The following MYCBP2 variants were observed in gnomAD, a reference collection of about 807,000 sequenced individuals.
MYCBP2 encodes the protein E3 ubiquitin-protein ligase MYCBP2.
A neutral mutation model predicts 525.3 loss-of-function variants in MYCBP2; 120 were observed. The observed-to-expected ratio is 0.23, with a 90% confidence interval of 0.20 to 0.27. The LOEUF is 0.27. Among genes scored for constraint, MYCBP2 ranks in the 10% least tolerant of loss-of-function variants. The pLI is 1.00. For missense variants in MYCBP2, 4,149 were observed against 5,657.1 expected (o/e 0.73, Z 8.55); for synonymous variants, 1,894 against 1,955.8 (o/e 0.97, Z 0.83).
chr13:77,240,776 C>T (rs1264421575), intron 17 of MYCBP2, among the ~76,000 whole-genome samples: 2 of 152,154 alleles, frequency 1.3e-5, no homozygotes, highest in South Asian at 2.1e-4. Context: ...AATGTGCACA[C>T]ATTTCTGTTA....
chr13:77,196,396 T>TA (rs1317716210), intron 26 of MYCBP2, among the ~76,000 whole-genome samples: 4 of 152,128 alleles, frequency 2.6e-5, no homozygotes, highest in African/African-American at 9.7e-5. Flanking sequence ...TTGTACATTT[T>TA]AAGAGAATCA....
intron 71 of MYCBP2, among the ~76,000 whole-genome samples, chr13:77,067,336 C>G (rs999990695): frequency 3.3e-5 from 5 of 152,112 alleles, no homozygotes; most frequent in Middle Eastern, 3.2e-3. Flanking sequence ...AGGTAGGTAT[C>G]TAGAATTTTT....
chr13:77,217,951 A>T lies in MYCBP2; in HGVS notation c.2946T>A (p.Cys982Ter). The stretch of plus-strand genomic sequence containing the variant: ...CTGGCAATGCTTGAACAAGAGTGGG[A>T]CATCCCCTAGGTTAAAAAAAAAAAA... ...LGHGDVNSRGCPTLVQALPGP... is the reference protein window; with the variant it reads ...LGHGDVNSRG The change falls in exon 21 of 83, where the codon TGT becomes TGA. Residue 982 changes from cysteine to a stop codon, truncating the protein, a stop_gained. Transcript: ENST00000544440. LOFTEE classifies it high-confidence loss of function. 1 of 1,589,698 alleles carries T rather than the reference A, an allele frequency of 6.3e-7. No homozygotes were observed. The highest frequency in any genetic ancestry group is 1.8e-5 in the Admixed American group (1 of 55,710).
chr13:77,118,361 A>T, intron 55 of MYCBP2: 1 of 762,162 alleles, frequency 1.3e-6, no homozygotes, highest in Non-Finnish European at 2.4e-6. Context: ...GGCTGCTGGA[A>T]GGAAAGGGGC....
chr13:77,309,321 T>C lies in MYCBP2; in HGVS notation c.303-12647A>G, dbSNP rs189772603. Among the ~76,000 whole-genome samples the C allele has an allele frequency of 1.2e-4, 18 of 152,276 alleles. No individual in the cohort carries two copies. The East Asian group carries it at 3.5e-3, about 29-fold the overall frequency. ...TAAGGGAAAAGAGGCAGTTTGTGAG[T>C]GACAGTATGTTCACGAGGAGACTTT... is the stretch of plus-strand genomic sequence containing the variant. On this transcript the variant is annotated intron_variant, in intron 1 of 82. Transcript: ENST00000544440.
At chr13:77,174,514 C>A (rs1001644055) in intron 36 of MYCBP2, 25 bp from the exon 37 acceptor site, 4 of 1,590,654 alleles carry the variant, frequency 2.5e-6, no homozygotes, top group Non-Finnish European at 3.4e-6. Context: ...TGTAAAACAT[C>A]TTTTATTCAC....
intron 39 of MYCBP2, 52 bp downstream of exon 39, chr13:77,169,562 T>TA (rs1443629556): frequency 6.7e-7 from 1 of 1,500,280 alleles, no homozygotes; most frequent in Admixed American, 1.7e-5. Flanking sequence ...AGTCTTTTTT[T>TA]AAAAAAGATA....
intron 14 of MYCBP2, among the ~76,000 whole-genome samples, chr13:77,253,891 G>C (rs1434526701): frequency 6.6e-6 from 1 of 151,818 alleles, no homozygotes; most frequent in Non-Finnish European, 1.5e-5. Flanking sequence ...ATCCACAATA[G>C]AGCAATTACA....
chr13:77,206,616 T>C (rs768035260), intron 24 of MYCBP2, 37 bp downstream of exon 24: 1 of 1,513,610 alleles, frequency 6.6e-7, no homozygotes, highest in East Asian at 2.3e-5. Context: ...CAGCACACAT[T>C]AATGTGAATT....
chr13:77,148,688 A>G (rs531086884), intron 47 of MYCBP2, among the ~76,000 whole-genome samples: 3 of 152,216 alleles, frequency 2.0e-5, no homozygotes, highest in South Asian at 4.1e-4. Context: ...ATTCACAAAT[A>G]ATCTTCAATT....
chr13:77,205,460 G>A lies in MYCBP2; in HGVS notation c.3715+13C>T, dbSNP rs375467184. On this transcript the variant is annotated intron_variant, in intron 25 of 82. Coordinates refer to ENST00000544440, the MANE Select transcript of MYCBP2 (RefSeq NM_015057.5). ...GTTGTAAGACAACATTTCCTAAACC[G>A]AAGTATACATACTTTCAAACCTGTT... 1.7e-5 allele frequency: 27 copies of A among 1,612,030 alleles called. No individual in the cohort carries two copies. The highest frequency in any genetic ancestry group is 2.1e-5 in the Non-Finnish European group (25 of 1,179,348).
At position 77,183,541 on chromosome 13, in the gene MYCBP2, C is replaced by CTTTTTTTTTTTTTTTTTTTTTTTTT. The variant is rs60927409; in HGVS notation, c.4719+1537_4719+1561dup. Among the ~76,000 whole-genome samples the CTTTTTTTTTTTTTTTTTTTTTTTTT allele has an allele frequency of 6.1e-5, 4 of 66,050 alleles. 2 individuals carry two copies. Among genetic ancestry groups the CTTTTTTTTTTTTTTTTTTTTTTTTT allele is most frequent in the African/African-American group, 2.8e-4 (4 of 14,090 alleles). The allele number at this position is 66,050 out of a possible 152,430, so 43.3% of individuals were successfully genotyped here. ...TTGTTTATAGTGATAGTCCCTATTT[C>CTTTTTTTTTTTTTTTTTTTTTTTTT]TTTTTTTTTTTTTTTTTTTTTTTTT... is the stretch of plus-strand genomic sequence containing the variant. On this transcript the variant is annotated intron_variant, in intron 32 of 82. Transcript: ENST00000544440.
chr13:77,234,712 A>C (rs898082583), intron 17 of MYCBP2, among the ~76,000 whole-genome samples: 11 of 152,058 alleles, frequency 7.2e-5, no homozygotes, highest in African/African-American at 2.7e-4. Context: ...TCAAATATGA[A>C]CAAATATGAA....
chr13:77,187,782 C>T (rs2060869191), intron 30 of MYCBP2, among the ~76,000 whole-genome samples: 1 of 151,842 alleles, frequency 6.6e-6, no homozygotes, highest in Admixed American at 6.6e-5. Flanking sequence ...TGCGGTGGCT[C>T]ACACCTGTAA....
chr13:77,200,861 C>G (rs2062439747), intron 26 of MYCBP2, among the ~76,000 whole-genome samples: 2 of 151,940 alleles, frequency 1.3e-5, no homozygotes, highest in Admixed American at 6.6e-5. Context: ...TTGTCACCAC[C>G]AGGCCTGACC....
intron 55 of MYCBP2, among the ~76,000 whole-genome samples, chr13:77,115,298 C>A (rs1423070554): frequency 6.6e-6 from 1 of 151,800 alleles, no homozygotes; most frequent in Non-Finnish European, 1.5e-5. Context: ...ATATCATTCT[C>A]CACTTTGGTT....
rs547835625 is a variant in MYCBP2, at chr13:77,057,139, A to G, written c.13330-46T>C. On this transcript the variant is annotated intron_variant, in intron 78 of 82. Transcript: ENST00000544440. Reference sequence around the variant, plus strand: ...GGACATAAGCAAATATAATAATGATAAACAGTTGAGTGACTGGGAGATTAT... The same window carrying G: ...GGACATAAGCAAATATAATAATGATGAACAGTTGAGTGACTGGGAGATTAT... The G allele has an allele frequency of 2.0e-5, 27 of 1,352,018 alleles. No homozygotes were observed. The African/African-American group carries it at 2.9e-4, about 14-fold the overall frequency. 83.8% of individuals were successfully genotyped at this position (1,352,018 alleles called of 1,614,324 possible).
At chr13:77,160,747 C>A (rs2154208269) in intron 44 of MYCBP2, among the ~76,000 whole-genome samples, 1 of 152,266 alleles carries the variant, frequency 6.6e-6, no homozygotes, top group East Asian at 1.9e-4. Flanking sequence ...TAAGTATGAT[C>A]TAAATTGGTG....
At chr13:77,274,326 C>T (rs2075262730) in intron 4 of MYCBP2, among the ~76,000 whole-genome samples, 1 of 152,156 alleles carries the variant, frequency 6.6e-6, no homozygotes, top group Non-Finnish European at 1.5e-5. Context: ...GGTCTCTGCA[C>T]AAAATTCCCT....
Sources: allele counts gnomAD v4.1 joint callset (sites outside exome capture counted in the v4.1 genomes callset), GRCh38; gene constraint gnomAD v4.1.1; transcripts MANE v1.5; gene names NCBI Gene and HGNC (gene_info 2026-07-23, HGNC 2026-07-21).